SGPP1: variants seen among roughly 807,000 people sequenced by gnomAD.
SGPP1 encodes sphingosine-1-phosphate phosphatase 1.
A neutral mutation model predicts 33.0 loss-of-function variants in SGPP1; 21 were observed. The observed-to-expected ratio is 0.64, with a 90% confidence interval of 0.45 to 0.92. The LOEUF (loss-of-function observed/expected upper bound fraction) is 0.92. Among genes scored for constraint, SGPP1 ranks in the 40% least tolerant of loss-of-function variants. The pLI, the probability that SGPP1 is intolerant of heterozygous loss-of-function variation, is 0.00. For synonymous variants in SGPP1, 239 were observed against 241.2 expected (o/e 0.99, Z 0.08); for missense variants, 543 against 589.4 (o/e 0.92, Z 0.81).
chr14:63,720,115 C>G (rs1184829225), intron 1 of SGPP1, among the ~76,000 whole-genome samples: 2 of 144,826 alleles, frequency 1.4e-5, no homozygotes, highest in African/African-American at 2.6e-5. Flanking sequence ...ACAGAGGGAG[C>G]CTGCATCTCA....
chr14:63,712,092 T>A (rs1440375106), intron 1 of SGPP1, among the ~76,000 whole-genome samples: 1 of 151,190 alleles, frequency 6.6e-6, no homozygotes, highest in Admixed American at 6.6e-5. Flanking sequence ...AAATTAATAA[T>A]CACATATAAT....
intron 1 of SGPP1, among the ~76,000 whole-genome samples, chr14:63,713,218 T>C (rs964269118): frequency 3.9e-5 from 6 of 152,212 alleles, no homozygotes; most frequent in Admixed American, 3.3e-4. Context: ...CCGTTGCCAC[T>C]TTCCCCAAAT....
chr14:63,694,166 T>C (rs1194098009), intron 2 of SGPP1, among the ~76,000 whole-genome samples: 1 of 151,546 alleles, frequency 6.6e-6, no homozygotes, highest in Non-Finnish European at 1.5e-5. Flanking sequence ...CCCAACTACT[T>C]GGGAGGCTGA....
At chr14:63,692,168 A>G (rs1269716046) in intron 2 of SGPP1, among the ~76,000 whole-genome samples, 1 of 152,250 alleles carries the variant, frequency 6.6e-6, no homozygotes, top group Non-Finnish European at 1.5e-5. Context: ...ACATTTAACC[A>G]TAACAACCAA....
intron 1 of SGPP1, among the ~76,000 whole-genome samples, chr14:63,709,890 T>C (rs1475457530): frequency 2.0e-5 from 3 of 152,230 alleles, no homozygotes; most frequent in Non-Finnish European, 4.4e-5. Context: ...CTTTGTGATA[T>C]ACTTTCTCAC....
chr14:63,693,654 C>T (rs1230278475), intron 2 of SGPP1, among the ~76,000 whole-genome samples: 1 of 152,056 alleles, frequency 6.6e-6, no homozygotes, highest in Non-Finnish European at 1.5e-5. Flanking sequence ...TGCTCTGTTG[C>T]CCAGGCTGGA....
chr14:63,700,197 GC>G (rs898786785), intron 1 of SGPP1, among the ~76,000 whole-genome samples: 9 of 152,110 alleles, frequency 5.9e-5, no homozygotes, highest in Admixed American at 4.6e-4. Context: ...AATGCACCTG[GC>G]CCCCTTTCTT....
chr14:63,724,616 TAAAAAAAAA>T (rs34386504), intron 1 of SGPP1, among the ~76,000 whole-genome samples: 19 of 85,004 alleles, frequency 2.2e-4, no homozygotes, highest in African/African-American at 7.5e-4. Flanking sequence ...CAAGGATCTT[TAAAAAAAAA>T]AAAAAAAAAA....
chr14:63,722,530 CAAAAAAT>C (rs889213537), intron 1 of SGPP1, among the ~76,000 whole-genome samples: 39 of 149,714 alleles, frequency 2.6e-4, no homozygotes, highest in Middle Eastern at 3.4e-3. Flanking sequence ...GACTCCATCT[CAAAAAAT>C]AAAAAATAAA....
intron 2 of SGPP1, among the ~76,000 whole-genome samples, chr14:63,690,091 G>A (rs1310505122): frequency 6.6e-6 from 1 of 152,138 alleles, no homozygotes; most frequent in Non-Finnish European, 1.5e-5. Flanking sequence ...TTGTCGCCCA[G>A]GCTGGACTTT....
chr14:63,708,415 C>T (rs1232848230), intron 1 of SGPP1, among the ~76,000 whole-genome samples: 2 of 151,464 alleles, frequency 1.3e-5, no homozygotes, highest in African/African-American at 2.4e-5. Context: ...ACCACCATGC[C>T]CAGCTATTTT....
chr14:63,724,560 C>A (rs1264636748), intron 1 of SGPP1, among the ~76,000 whole-genome samples: 1 of 147,352 alleles, frequency 6.8e-6, no homozygotes, highest in East Asian at 2.0e-4. Context: ...AGTAGAGGAC[C>A]CAAACAGCTG....
At chr14:63,707,411 A>T (rs1885437639) in intron 1 of SGPP1, among the ~76,000 whole-genome samples, 1 of 152,172 alleles carries the variant, frequency 6.6e-6, no homozygotes, top group South Asian at 2.1e-4. Flanking sequence ...AACACGTCAG[A>T]GCTACAGGCA....
chr14:63,716,769 C>T (rs1289737852), intron 1 of SGPP1, among the ~76,000 whole-genome samples: 1 of 151,900 alleles, frequency 6.6e-6, no homozygotes, highest in African/African-American at 2.4e-5. Flanking sequence ...TCTCAGCTTA[C>T]AGCAACCTCT....
intron 1 of SGPP1, among the ~76,000 whole-genome samples, chr14:63,710,918 T>C (rs143709223): frequency 6.6e-6 from 1 of 152,286 alleles, no homozygotes; most frequent in Non-Finnish European, 1.5e-5. Flanking sequence ...CATCTATAAA[T>C]GGGGATACTA....
intron 1 of SGPP1, among the ~76,000 whole-genome samples, chr14:63,712,871 C>G (rs887118002): frequency 8.1e-5 from 11 of 135,186 alleles, no homozygotes; most frequent in Non-Finnish European, 1.1e-4. Context: ...GAGCCGAGAT[C>G]GTGCCATTGT....
intron 1 of SGPP1, among the ~76,000 whole-genome samples, chr14:63,708,953 A>C (rs1049299595): frequency 6.6e-6 from 1 of 152,238 alleles, no homozygotes; most frequent in African/African-American, 2.4e-5. Context: ...AAAGTTGTTC[A>C]AAGTGTGTTG....
chr14:63,686,088 T>A lies in SGPP1; in HGVS notation c.*17A>T. 6.7e-7 allele frequency: 1 copy of A among 1,486,382 alleles called. No individual in the cohort carries two copies. The highest frequency in any genetic ancestry group is 2.1e-4 in the Middle Eastern group (1 of 4,842). 92.1% of individuals were successfully genotyped at this position (1,486,382 alleles called of 1,614,324 possible). A position where few individuals can be genotyped will look rare whatever the true frequency, so the allele number is the denominator to read the frequency against. On this transcript the variant is annotated 3_prime_UTR_variant, in exon 3 of 3. Coordinates refer to ENST00000247225, the MANE Select transcript of SGPP1 (RefSeq NM_030791.4). ...TAACTGATACCCTCCTTTCTTATCATAAACAATACTTCTCCATCAAGAGAT... is the reference window on the plus strand; with the variant it reads ...TAACTGATACCCTCCTTTCTTATCAAAAACAATACTTCTCCATCAAGAGAT...
intron 1 of SGPP1, among the ~76,000 whole-genome samples, chr14:63,719,165 T>C (rs1224738557): frequency 6.7e-6 from 1 of 150,100 alleles, no homozygotes; most frequent in Non-Finnish European, 1.5e-5. Context: ...TAGCTGGGAT[T>C]ACAGGTGCTT....
Sources: allele counts gnomAD v4.1 joint callset (sites outside exome capture counted in the v4.1 genomes callset), GRCh38; gene constraint gnomAD v4.1.1; transcripts MANE v1.5; gene names NCBI Gene and HGNC (gene_info 2026-07-23, HGNC 2026-07-21).